The following MED27 variants were observed in gnomAD, a reference collection of about 807,000 sequenced individuals.
MED27 encodes mediator of RNA polymerase II transcription subunit 27.
MED27 carries 30 observed loss-of-function variants against 38.2 expected under a neutral mutation model. The observed-to-expected ratio is 0.79, with a 90% CI of 0.59 to 1.07. MED27 has a LOEUF of 1.07. MED27 is among the 50% of genes least tolerant of loss of function. MED27 has a pLI of 0.00. For synonymous variants in MED27, 122 were observed against 153.5 expected, an observed-to-expected ratio of 0.79 and a Z score of 1.52; for missense variants, 289 against 397.5, an observed-to-expected ratio of 0.73 and a Z score of 2.32.
intron 2 of MED27, among the ~76,000 whole-genome samples, chr9:132,061,838 C>T (rs948455626): frequency 6.6e-6 from 1 of 152,208 alleles, no homozygotes; most frequent in Non-Finnish European, 1.5e-5. Context: ...TCACTGTATC[C>T]TTTCTTTGCC....
At chr9:131,993,335 C>A (rs1215533341) in intron 3 of MED27, among the ~76,000 whole-genome samples, 1 of 151,984 alleles carries the variant, frequency 6.6e-6, no homozygotes, top group Middle Eastern at 3.4e-3. Flanking sequence ...GAAATGAATA[C>A]AGGTATTCTT....
At chr9:131,885,614 C>T (rs1839126157) in intron 5 of MED27, among the ~76,000 whole-genome samples, 4 of 152,192 alleles carry the variant, frequency 2.6e-5, no homozygotes, top group Admixed American at 2.0e-4. Flanking sequence ...CTCCTCTGGT[C>T]ACACTTGGTC....
chr9:131,954,266 T>C (rs910047445), intron 3 of MED27, among the ~76,000 whole-genome samples: 1 of 152,140 alleles, frequency 6.6e-6, no homozygotes, highest in Non-Finnish European at 1.5e-5. Context: ...CTGGGATGCA[T>C]GTCTGGGAAT....
In MED27 at chr9:131,862,877, G is replaced by T. The variant is rs1279300780; in HGVS notation, c.801+186C>A. ...AGTAGAGAAAGCACCAGTGAATGAA[G>T]CTGGAAGTGGTTTCTCCCAGATCCC... On this transcript the variant is annotated intron_variant, in intron 7 of 7. Transcript: ENST00000292035. The surrounding 1 kb of genome is among the most constrained non-coding windows in gnomAD (Gnocchi z 4.6). Among the ~76,000 whole-genome samples, 1 of 152,204 alleles carries T rather than the reference G, an allele frequency of 6.6e-6. No homozygotes were observed. Among genetic ancestry groups the T allele is most frequent in the African/African-American group, 2.4e-5 (1 of 41,454 alleles).
At chr9:131,961,792 CCTT>C (rs767543319) in intron 3 of MED27, among the ~76,000 whole-genome samples, 66 of 152,324 alleles carry the variant, frequency 4.3e-4, no homozygotes, top group South Asian at 8.3e-4. Flanking sequence ...AGCTAAAAAG[CCTT>C]CTTCTGCTCT....
chr9:131,870,876 C>G (rs1564261451), intron 6 of MED27, among the ~76,000 whole-genome samples: 1 of 152,236 alleles, frequency 6.6e-6, no homozygotes, highest in Admixed American at 6.5e-5. Context: ...AACGGTCTGA[C>G]AGAGACACCG....
chr9:131,902,663 A>G (rs1829973143), intron 4 of MED27, among the ~76,000 whole-genome samples: 1 of 152,226 alleles, frequency 6.6e-6, no homozygotes, highest in South Asian at 2.1e-4. Flanking sequence ...CTGATGATAA[A>G]ACACAATGTA....
rs1831503843 is a variant in MED27 at position 131,972,628 on chromosome 9, C to T, written c.480-33154G>A. On this transcript the variant is annotated intron_variant, in intron 3 of 7. Transcript: ENST00000292035. ...TGTCCCGCTTCTCTCCTGAACTCTC[C>T]AAGTCCCTGGGCTGAATGAAGAGAG... Among the ~76,000 whole-genome samples, 5 of 152,290 alleles carry T rather than the reference C, an allele frequency of 3.3e-5. No individual in the cohort carries two copies. In the South Asian group the frequency reaches 1.0e-3, roughly 32 times the overall value.
intron 3 of MED27, among the ~76,000 whole-genome samples, chr9:131,962,419 G>A (rs1425462206): frequency 1.3e-5 from 2 of 151,892 alleles, no homozygotes; most frequent in African/African-American, 2.4e-5. Flanking sequence ...GTATTTTTTT[G>A]GTAGAGACAG....
intron 2 of MED27, among the ~76,000 whole-genome samples, chr9:132,066,175 C>T (rs990597941): frequency 1.3e-5 from 2 of 152,344 alleles, no homozygotes; most frequent in East Asian, 3.9e-4. Context: ...GTGTGGTCAG[C>T]GTGACTGCCC....
intron 3 of MED27, among the ~76,000 whole-genome samples, chr9:131,973,635 AT>A (rs768622273): frequency 3.2e-4 from 48 of 151,900 alleles, no homozygotes; most frequent in Admixed American, 6.6e-4. Context: ...TCTTGCAGCC[AT>A]CAAGGGAGCA....
rs1035175623 is a variant in MED27, at chr9:131,915,250, T to C, written c.574-21258A>G. Among the ~76,000 whole-genome samples the C allele has an allele frequency of 4.6e-5, 7 of 152,160 alleles. No individual in the cohort carries two copies. In the East Asian group the frequency reaches 1.3e-3, roughly 29 times the overall value. On this transcript the variant is annotated intron_variant, in intron 4 of 7. Transcript: ENST00000292035. ...TAGCCAGTGAAGGGGGAGGTGACCC[T>C]GAATAAACTGTAGCTAGTATTATGA...
intron 3 of MED27, among the ~76,000 whole-genome samples, chr9:131,994,845 T>C (rs753373825): frequency 6.6e-6 from 1 of 152,102 alleles, no homozygotes; most frequent in Non-Finnish European, 1.5e-5. Flanking sequence ...TGTGGTTGCC[T>C]GGGGGAATCC....
chr9:131,989,781 TAAAA>T (rs775945545), intron 3 of MED27, among the ~76,000 whole-genome samples: 1 of 140,312 alleles, frequency 7.1e-6, no homozygotes, highest in African/African-American at 2.6e-5. Context: ...TAAACATACT[TAAAA>T]AAAAAAAAAG....
chr9:131,960,272 C>A (rs781245930), intron 3 of MED27, among the ~76,000 whole-genome samples: 4 of 152,094 alleles, frequency 2.6e-5, no homozygotes, highest in Non-Finnish European at 5.9e-5. Context: ...AGATCTGTTA[C>A]AATTAACAGA....
intron 3 of MED27, among the ~76,000 whole-genome samples, chr9:131,965,075 A>G (rs1029566438): frequency 1.5e-4 from 23 of 152,286 alleles, no homozygotes; most frequent in Admixed American, 7.8e-4. Context: ...GAAGGTGAAA[A>G]AGTTCAGATC....
intron 3 of MED27, among the ~76,000 whole-genome samples, chr9:131,941,233 C>T (rs1051338409): frequency 6.6e-6 from 1 of 152,154 alleles, no homozygotes; most frequent in East Asian, 1.9e-4. Flanking sequence ...GATTTCATAT[C>T]CATTGGCTAC....
At chr9:132,063,320 C>A (rs916641216) in intron 2 of MED27, among the ~76,000 whole-genome samples, 1 of 152,182 alleles carries the variant, frequency 6.6e-6, no homozygotes, top group Non-Finnish European at 1.5e-5. Flanking sequence ...GAAAGCAGTA[C>A]GTACCCATCA....
intron 2 of MED27, among the ~76,000 whole-genome samples, chr9:132,015,688 T>C (rs950555245): frequency 1.3e-5 from 2 of 152,234 alleles, no homozygotes; most frequent in African/African-American, 4.8e-5. Flanking sequence ...TTCTCACTCC[T>C]TGCTAAATGA....
Sources: gnomAD v4.1 joint callset for allele counts (sites outside exome capture counted in the v4.1 genomes callset) on GRCh38, gnomAD v4.1.1 for gene constraint, Gnocchi (gnomAD v3.1) non-coding constraint, MANE v1.5 for transcripts, NCBI Gene and HGNC (gene_info 2026-07-23, HGNC 2026-07-21) for gene names.